The following ITGA9 variants were observed in gnomAD, a reference collection of about 807,000 sequenced individuals.
ITGA9 encodes the protein integrin subunit alpha 9.
ITGA9 carries 56 observed loss-of-function variants against 127.8 expected under a neutral mutation model. That is an observed-to-expected ratio of 0.44 (90% confidence interval 0.35 to 0.55). ITGA9 has a LOEUF of 0.55. Among genes scored for constraint, ITGA9 ranks in the 20% least tolerant of loss-of-function variants. The pLI, the probability that ITGA9 is intolerant of heterozygous loss-of-function variation, is 0.00. For missense variants in ITGA9, 1,196 were observed against 1,347.1 expected (o/e 0.89, Z 1.76); for synonymous variants, 508 against 514.5 (o/e 0.99, Z 0.17).
In ITGA9 at chr3:37,650,140, G is replaced by A. The variant is rs559103843; in HGVS notation, c.1840-3574G>A. ...GGACAGCTTGTGTTTCTTGCAGAGT[G>A]GCTAAATTCTAAGAACAAATGCCCC... On this transcript the variant is annotated intron_variant, in intron 16 of 27. Transcript: ENST00000264741. 4.6e-5 allele frequency among the ~76,000 whole-genome samples: 7 copies of A among 152,262 alleles called. No individual in the cohort carries two copies. In the South Asian group the frequency reaches 1.2e-3, roughly 27 times the overall value.
chr3:37,482,115 G>A (rs1411372584), intron 4 of ITGA9, among the ~76,000 whole-genome samples: 1 of 152,186 alleles, frequency 6.6e-6, no homozygotes, highest in Non-Finnish European at 1.5e-5. Flanking sequence ...CTGAGGCTGG[G>A]GGGAGAGGAG....
intron 15 of ITGA9, among the ~76,000 whole-genome samples, chr3:37,602,224 TTTTCTA>T (rs1699928774): frequency 6.6e-6 from 1 of 152,312 alleles, no homozygotes; most frequent in African/African-American, 2.4e-5. Context: ...ATGGCTTTAT[TTTTCTA>T]AAAATGGGAA....
intron 4 of ITGA9, among the ~76,000 whole-genome samples, chr3:37,490,345 T>C (rs1698657103): frequency 6.6e-6 from 1 of 152,248 alleles, no homozygotes; most frequent in African/African-American, 2.4e-5. Context: ...TACTGATTCT[T>C]TGAAGAGAAA....
rs1698676928 is a variant in ITGA9, at chr3:37,491,835, T to C, written c.545-2666T>C. 2.6e-5 allele frequency among the ~76,000 whole-genome samples: 4 copies of C among 152,302 alleles called. 1 individual carries two copies. In the East Asian group the frequency reaches 7.7e-4, roughly 29 times the overall value. On this transcript the variant is annotated intron_variant, in intron 4 of 27. Transcript: ENST00000264741. The stretch of plus-strand genomic sequence containing the variant: ...GGCTCGTACATGAACATTTAGAAGA[T>C]GGATTAGGGAGAAACCTAAACCTGC...
chr3:37,738,383 G>A (rs910489172), intron 20 of ITGA9, among the ~76,000 whole-genome samples: 2 of 152,170 alleles, frequency 1.3e-5, no homozygotes, highest in African/African-American at 2.4e-5. Context: ...TGGTGGGCAC[G>A]AGAGTGTACT....
intron 13 of ITGA9, among the ~76,000 whole-genome samples, chr3:37,527,155 T>C (rs2125584111): frequency 6.6e-6 from 1 of 152,306 alleles, no homozygotes; most frequent in East Asian, 1.9e-4. Flanking sequence ...GCTCCTTGAC[T>C]TAGGATGGGG....
chr3:37,613,017 G>T (rs1357760408), intron 15 of ITGA9, among the ~76,000 whole-genome samples: 1 of 151,366 alleles, frequency 6.6e-6, no homozygotes, highest in Non-Finnish European at 1.5e-5. Context: ...CAACGTGCAG[G>T]TTTGTTACAT....
chr3:37,453,353 C>T (rs968454044), intron 1 of ITGA9, among the ~76,000 whole-genome samples: 1 of 152,146 alleles, frequency 6.6e-6, no homozygotes, highest in Admixed American at 6.5e-5. Flanking sequence ...TCCAGTTGTC[C>T]CCTGAGTCCG....
At chr3:37,610,200 T>C (rs1412741479) in intron 15 of ITGA9, among the ~76,000 whole-genome samples, 1 of 152,178 alleles carries the variant, frequency 6.6e-6, no homozygotes, top group Non-Finnish European at 1.5e-5. Flanking sequence ...TGAAATGGCT[T>C]GTTGTGTCTC....
chr3:37,781,598 T>C (rs1696977049), intron 25 of ITGA9, among the ~76,000 whole-genome samples: 1 of 152,244 alleles, frequency 6.6e-6, no homozygotes, highest in African/African-American at 2.4e-5. Context: ...TGATTTATTT[T>C]AAGGTGAGAG....
intron 15 of ITGA9, among the ~76,000 whole-genome samples, chr3:37,624,680 T>C (rs1341690115): frequency 5.3e-5 from 8 of 152,202 alleles, no homozygotes; most frequent in Admixed American, 5.2e-4. Flanking sequence ...TGATTGCAGC[T>C]CACTGCACCT....
At chr3:37,781,579 A>T (rs1339384684) in intron 25 of ITGA9, among the ~76,000 whole-genome samples, 1 of 152,186 alleles carries the variant, frequency 6.6e-6, no homozygotes, top group Non-Finnish European at 1.5e-5. Context: ...GAATCATACA[A>T]ATTTCCTATG....
chr3:37,508,704 T>G, intron 8 of ITGA9, 77 bp downstream of exon 8: 2 of 1,226,170 alleles, frequency 1.6e-6, no homozygotes, highest in Admixed American at 1.7e-5. Flanking sequence ...TTTAGAAAAT[T>G]GGTTTGAAGG....
intron 5 of ITGA9, among the ~76,000 whole-genome samples, chr3:37,497,051 C>T (rs1384263545): frequency 1.3e-5 from 2 of 152,174 alleles, no homozygotes; most frequent in Non-Finnish European, 2.9e-5. Context: ...GTCACTTTCC[C>T]TGATTATTAA....
chr3:37,665,097 C>T (rs1400473628), intron 17 of ITGA9, among the ~76,000 whole-genome samples: 2 of 151,626 alleles, frequency 1.3e-5, no homozygotes, highest in Non-Finnish European at 2.9e-5. Context: ...CTCAGCCTCC[C>T]GAGTAGCTGG....
intron 15 of ITGA9, among the ~76,000 whole-genome samples, chr3:37,587,130 C>T (rs1009020754): frequency 6.6e-6 from 1 of 152,042 alleles, no homozygotes; most frequent in East Asian, 1.9e-4. Flanking sequence ...TCTCATTTTG[C>T]ATTACAATAG....
chr3:37,800,105 G>C (rs1383093187), intron 26 of ITGA9, among the ~76,000 whole-genome samples: 2 of 152,206 alleles, frequency 1.3e-5, no homozygotes, highest in Non-Finnish European at 2.9e-5. Context: ...TTCCGGGGAA[G>C]TGACAGGGCA....
At chr3:37,756,896 T>C (rs1417990063) in intron 23 of ITGA9, among the ~76,000 whole-genome samples, 5 of 152,136 alleles carry the variant, frequency 3.3e-5, no homozygotes, top group Non-Finnish European at 2.9e-5. Context: ...ACTTGGGAAA[T>C]TTTAAACACC....
chr3:37,527,032 A>C (rs1363581586), intron 13 of ITGA9, among the ~76,000 whole-genome samples: 1 of 152,242 alleles, frequency 6.6e-6, no homozygotes, highest in Non-Finnish European at 1.5e-5. Context: ...CTCAGGGGCC[A>C]GGTGGCCGGG....
Sources: gnomAD v4.1 joint callset for allele counts (sites outside exome capture counted in the v4.1 genomes callset) on GRCh38, gnomAD v4.1.1 for gene constraint, MANE v1.5 for transcripts, NCBI Gene and HGNC (gene_info 2026-07-23, HGNC 2026-07-21) for gene names.